The following DCDC1 variants were observed in gnomAD, a reference collection of about 807,000 sequenced individuals.
DCDC1 encodes the protein doublecortin domain containing 1.
In DCDC1, 200 loss-of-function variants were observed where a neutral mutation model predicts 178.3. The observed-to-expected ratio is 1.12, with a 90% CI of 1.00 to 1.26. The LOEUF (loss-of-function observed/expected upper bound fraction) is 1.26, where lower values mean the gene tolerates loss of function less well. Among genes scored for constraint, DCDC1 ranks in the 50% most tolerant of loss-of-function variants. The pLI is 0.00. For synonymous variants in DCDC1, 690 were observed against 604.8 expected (o/e 1.14, Z -2.07); for missense variants, 1,983 against 1,749.2 (o/e 1.13, Z -2.38).
At chr11:31,054,743 C>T (rs1168244504) in intron 20 of DCDC1, among the ~76,000 whole-genome samples, 2 of 152,198 alleles carry the variant, frequency 1.3e-5, no homozygotes, top group East Asian at 1.9e-4. Flanking sequence ...GGAAAGGACA[C>T]CTTTTTCAGC....
chr11:30,880,991 G>A (rs960087233), intron 37 of DCDC1, among the ~76,000 whole-genome samples, 167 bp downstream of exon 37: 2 of 152,152 alleles, frequency 1.3e-5, no homozygotes, highest in African/African-American at 4.8e-5. Flanking sequence ...GTTAACACGA[G>A]GTTCCAGCAC....
chr11:31,155,042 T>C (rs1249213187), intron 9 of DCDC1, among the ~76,000 whole-genome samples: 2 of 152,212 alleles, frequency 1.3e-5, no homozygotes, highest in Non-Finnish European at 2.9e-5. Context: ...TTTACTTAGT[T>C]CTGACTTTCG....
chr11:31,139,759 GA>G lies in DCDC1; in HGVS notation c.1222-1976del, dbSNP rs747195018. On this transcript the variant is annotated intron_variant, in intron 9 of 38. Transcript: ENST00000684477. ...TTTACCTTTGAAAGCACCACAGTTGGAAAAAAAAAAATCACCTCCACTCTAA... is the reference window on the plus strand; with the variant it reads ...TTTACCTTTGAAAGCACCACAGTTGGAAAAAAAAAATCACCTCCACTCTAA... 5.7e-3 allele frequency among the ~76,000 whole-genome samples: 820 copies of G among 144,988 alleles called. 7 individuals are homozygous for G. Among genetic ancestry groups the G allele is most frequent in the Non-Finnish European group, 8.1e-3 (535 of 65,682 alleles).
At chr11:30,912,864 G>A (rs879239218) in intron 27 of DCDC1, among the ~76,000 whole-genome samples, 9 of 152,126 alleles carry the variant, frequency 5.9e-5, no homozygotes, top group African/African-American at 2.2e-4. Context: ...GGTAAAATAT[G>A]GAGGATAAAA....
intron 8 of DCDC1, among the ~76,000 whole-genome samples, chr11:31,260,983 G>A (rs1273095676): frequency 6.6e-6 from 1 of 152,124 alleles, no homozygotes; most frequent in Non-Finnish European, 1.5e-5. Context: ...AGCCAAAAGG[G>A]TAGGGGTAGA....
chr11:30,894,144 T>C, intron 35 of DCDC1, 104 bp downstream of exon 35: 2 of 1,440,332 alleles, frequency 1.4e-6, no homozygotes, highest in South Asian at 3.0e-5. Flanking sequence ...ACTGATCAGA[T>C]GCTGAGAATA....
chr11:31,326,281 A>G (rs146342996), intron 3 of DCDC1, among the ~76,000 whole-genome samples: 35 of 152,316 alleles, frequency 2.3e-4, no homozygotes, highest in African/African-American at 8.4e-4. Flanking sequence ...GGACAAATAA[A>G]GCCAGTGTTA....
In DCDC1 at chr11:31,092,532, G is replaced by A. The variant is rs376825512; in HGVS notation, c.2119-1021C>T. Among the ~76,000 whole-genome samples the A allele has an allele frequency of 7.5e-4, 114 of 152,280 alleles. 3 individuals are homozygous for A. The South Asian group carries it at 0.021, about 28-fold the overall frequency. On this transcript the variant is annotated intron_variant, in intron 16 of 38. Transcript: ENST00000684477. ...GATAAGACTAACATCATTTATAGAA[G>A]AGAAAACAGTAGTTCAATGCAGCTA... is the stretch of plus-strand genomic sequence containing the variant.
In DCDC1 at chr11:31,118,749, T is replaced by C. The variant is rs1960350507; in HGVS notation, c.1486-8388A>G. Among the ~76,000 whole-genome samples, 4 of 152,324 alleles carry C rather than the reference T, an allele frequency of 2.6e-5. No homozygotes were observed. The South Asian group carries it at 6.2e-4, about 24-fold the overall frequency. On this transcript the variant is annotated intron_variant, in intron 11 of 38. Transcript: ENST00000684477. ...AGTAATACAGCTCTGGCCTGTGGAC[T>C]TTCCCCGCTGACTGCCCACCTGGCA...
intron 6 of DCDC1, among the ~76,000 whole-genome samples, chr11:31,291,721 C>T (rs1351786428): frequency 1.3e-5 from 2 of 151,696 alleles, no homozygotes; most frequent in African/African-American, 4.8e-5. Context: ...TACAATGATC[C>T]CTCCCTCATC....
At chr11:30,905,538 C>T (rs1362202965) in intron 30 of DCDC1, among the ~76,000 whole-genome samples, 1 of 152,110 alleles carries the variant, frequency 6.6e-6, no homozygotes, top group African/African-American at 2.4e-5. Flanking sequence ...GATGATTCCA[C>T]CATATGGTGG....
chr11:30,968,701 ATATATCAAAT>A (rs1406658178), intron 20 of DCDC1, among the ~76,000 whole-genome samples: 62 of 118,402 alleles, frequency 5.2e-4, no homozygotes, highest in African/African-American at 1.8e-3. Flanking sequence ...CAAATTATAT[ATATATCAAAT>A]TATATATATA....
chr11:31,151,214 C>T (rs1187795212), intron 9 of DCDC1, among the ~76,000 whole-genome samples: 1 of 152,156 alleles, frequency 6.6e-6, no homozygotes, highest in Non-Finnish European at 1.5e-5. Flanking sequence ...CTAACTTCAG[C>T]CGCTTATGAT....
rs375675129 is a variant in DCDC1 at position 31,094,734 on chromosome 11, G to A, written c.1984-550C>T. ...AAAAAGTAAATTTGTCCAAACTGTAGAAAGTGTCAAGTGCAAAGCTATGGA... is the reference window on the plus strand; with the variant it reads ...AAAAAGTAAATTTGTCCAAACTGTAAAAAGTGTCAAGTGCAAAGCTATGGA... On this transcript the variant is annotated intron_variant, in intron 15 of 38. Coordinates refer to ENST00000684477, the MANE Select transcript of DCDC1 (RefSeq NM_001387274.1). 6.6e-5 allele frequency among the ~76,000 whole-genome samples: 10 copies of A among 152,272 alleles called. No homozygotes were observed. In the East Asian group the frequency reaches 1.4e-3, roughly 21 times the overall value.
At chr11:31,284,339 A>T (rs1470104885) in intron 7 of DCDC1, among the ~76,000 whole-genome samples, 1 of 152,164 alleles carries the variant, frequency 6.6e-6, no homozygotes, top group African/African-American at 2.4e-5. Context: ...ATTTCACTTG[A>T]TCCACTTTGG....
At chr11:30,906,321 C>G (rs1945056244) in intron 30 of DCDC1, 1 of 457,578 alleles carries the variant, frequency 2.2e-6, no homozygotes, top group African/African-American at 1.9e-5. Context: ...GCAGAAGTGC[C>G]CAATTAACTT....
In DCDC1 at chr11:31,062,862, T is replaced by C. The variant is rs1293638214; in HGVS notation, c.2591+1607A>G. Among the ~76,000 whole-genome samples the C allele has an allele frequency of 2.0e-5, 3 of 151,454 alleles. No homozygotes were observed. The East Asian group carries it at 5.8e-4, about 30-fold the overall frequency. Reference sequence around the variant, plus strand: ...GCACAATGTGCAGGTTTGTTACATATGTATACATGTGCCATGTTGGTGTGC... The same window carrying C: ...GCACAATGTGCAGGTTTGTTACATACGTATACATGTGCCATGTTGGTGTGC... On this transcript the variant is annotated intron_variant, in intron 20 of 38. Transcript: ENST00000684477.
At chr11:31,223,098 G>C (rs563574844) in intron 9 of DCDC1, among the ~76,000 whole-genome samples, 4 of 152,154 alleles carry the variant, frequency 2.6e-5, no homozygotes, top group African/African-American at 9.6e-5. Flanking sequence ...GACTTACCAA[G>C]AGTTTAATAC....
chr11:31,351,581 C>A (rs1951072943), intron 1 of DCDC1, among the ~76,000 whole-genome samples: 1 of 152,024 alleles, frequency 6.6e-6, no homozygotes, highest in Non-Finnish European at 1.5e-5. Flanking sequence ...ATCTTAAGTT[C>A]TTTTAATGTA....
Sources: allele counts gnomAD v4.1 joint callset (sites outside exome capture counted in the v4.1 genomes callset), GRCh38; gene constraint gnomAD v4.1.1; transcripts MANE v1.5; gene names NCBI Gene and HGNC (gene_info 2026-07-23, HGNC 2026-07-21).